The following DSC3 variants were observed in gnomAD, a reference collection of about 807,000 sequenced individuals.
DSC3 encodes desmocollin 3.
A neutral mutation model predicts 89.5 loss-of-function variants in DSC3; 97 were observed. That is an observed-to-expected ratio of 1.08 (90% CI 0.92 to 1.28). The LOEUF is 1.28. Ranked by LOEUF, DSC3 falls within the 50% of genes most tolerant of loss-of-function variation. The pLI is 0.00. For synonymous variants in DSC3, 436 were observed against 384.1 expected (o/e 1.14, Z -1.58); for missense variants, 1,199 against 1,085.3 (o/e 1.10, Z -1.47).
At chr18:30,995,950 C>T (rs890670041) in intron 15 of DSC3, among the ~76,000 whole-genome samples, 3 of 115,920 alleles carry the variant, frequency 2.6e-5, no homozygotes, top group African/African-American at 3.4e-5. Flanking sequence ...CCAGCCTCAG[C>T]GACAGAGCAA....
Position 31,032,603 on chromosome 18 carries a change from C to T in DSC3, c.70-327G>A, listed in dbSNP as rs956908827. On this transcript the variant is annotated intron_variant, in intron 1 of 15. Transcript: ENST00000360428. Reference sequence around the variant, plus strand: ...GTGTGTGTGTGTGCGTGTGCGTGTGCGTGTGCGTGTGTGACTGAGTCTCAC... The same window carrying T: ...GTGTGTGTGTGTGCGTGTGCGTGTGTGTGTGCGTGTGTGACTGAGTCTCAC... Among the ~76,000 whole-genome samples the T allele has an allele frequency of 6.9e-3, 653 of 94,772 alleles. 4 individuals are homozygous for T. Among genetic ancestry groups the T allele is most frequent in the African/African-American group, 0.024 (559 of 23,636 alleles). 62.2% of individuals were successfully genotyped at this position (94,772 alleles called of 152,430 possible).
At chr18:31,002,023 A>T (rs974748535) in intron 13 of DSC3, among the ~76,000 whole-genome samples, 1 of 152,224 alleles carries the variant, frequency 6.6e-6, no homozygotes, top group African/African-American at 2.4e-5. Flanking sequence ...AAAGAAAAAA[A>T]ATCACTGACA....
intron 7 of DSC3, among the ~76,000 whole-genome samples, chr18:31,021,115 T>C (rs1374434260): frequency 6.6e-6 from 1 of 151,914 alleles, no homozygotes; most frequent in Admixed American, 6.6e-5. Flanking sequence ...CAACGCTCCA[T>C]GGTTGTTGCC....
chr18:31,041,205 T>A (rs1408351066), intron 1 of DSC3, among the ~76,000 whole-genome samples: 1 of 152,098 alleles, frequency 6.6e-6, no homozygotes, highest in African/African-American at 2.4e-5. Flanking sequence ...TCGTTCCCCA[T>A]CCTCAATCCC....
At chr18:31,020,363 C>G (rs1470956527) in intron 7 of DSC3, among the ~76,000 whole-genome samples, 2 of 152,102 alleles carry the variant, frequency 1.3e-5, no homozygotes, top group Admixed American at 6.5e-5. Context: ...ATCAGAGAAG[C>G]AGGAGGAAGA....
chr18:31,024,453 T>C lies in DSC3; in HGVS notation c.671A>G (p.Asp224Gly), dbSNP rs368029935. 3.7e-6 allele frequency: 6 copies of C among 1,612,718 alleles called. No individual in the cohort carries two copies. The African/African-American group carries it at 4.0e-5, about 11-fold the overall frequency. Reference protein sequence around the residue: ...YASTADGYSADLPLPLPIRVE... With the variant: ...YASTADGYSAGLPLPLPIRVE... ...CCTGATGGGTAGTGGGAGGGGCAGA[T>C]CTGCTGAATATCCATCTGCAGTTGA... Residue 224 changes from aspartate (D) to glycine (G), a missense_variant, in exon 6 of 16, where the codon GAT becomes GGT. By Grantham distance (94) the Asp-to-Gly change is moderately conservative. Coordinates refer to ENST00000360428, the MANE Select transcript of DSC3 (RefSeq NM_001941.5).
At chr18:31,029,213 C>T (rs1346596859) in intron 4 of DSC3, among the ~76,000 whole-genome samples, 1 of 152,110 alleles carries the variant, frequency 6.6e-6, no homozygotes, top group African/African-American at 2.4e-5. Context: ...AGGGCCATGA[C>T]TAAATTTACT....
chr18:31,027,542 C>T (rs1311163114), intron 4 of DSC3, among the ~76,000 whole-genome samples: 5 of 149,990 alleles, frequency 3.3e-5, no homozygotes, highest in East Asian at 4.0e-4. Flanking sequence ...ACTAGATATT[C>T]GCCAACTTTG....
At chr18:31,025,949 A>T (rs763191369) in intron 4 of DSC3, 34 bp from the exon 5 acceptor site, 1 of 1,586,434 alleles carries the variant, frequency 6.3e-7, no homozygotes, top group Non-Finnish European at 8.6e-7. Flanking sequence ...AAAAAAATTA[A>T]AACTAAATTC....
intron 15 of DSC3, among the ~76,000 whole-genome samples, chr18:30,995,968 C>T (rs1440108401): frequency 2.6e-5 from 1 of 38,766 alleles, no homozygotes; most frequent in African/African-American, 1.3e-4. Flanking sequence ...CAAGACCCTG[C>T]CTTAAAAAAA....
chr18:30,989,738 T>C lies in DSC3; in HGVS notation c.*4437A>G, dbSNP rs1435387599. Among the ~76,000 whole-genome samples, 2 of 152,214 alleles carry C rather than the reference T, an allele frequency of 1.3e-5. No homozygotes were observed. The highest frequency in any genetic ancestry group is 2.9e-5 in the Non-Finnish European group (2 of 68,040). On this transcript the variant is annotated 3_prime_UTR_variant, in exon 16 of 16. Transcript: ENST00000360428. ...CCGTAAACATGTTCTGAATACTATT[T>C]AATTTTTCTGCCCATGAAACCAAGC...
chr18:31,001,768 T>C, intron 13 of DSC3, 29 bp from the exon 14 acceptor site: 1 of 1,535,170 alleles, frequency 6.5e-7, no homozygotes, highest in Non-Finnish European at 8.9e-7. Context: ...ATAAAATAAC[T>C]TACTTTAGCA....
intron 4 of DSC3, among the ~76,000 whole-genome samples, chr18:31,026,502 G>C (rs953289572): frequency 6.6e-6 from 1 of 152,078 alleles, no homozygotes; most frequent in African/African-American, 2.4e-5. Flanking sequence ...AGACCACTGA[G>C]GAAGTCACTG....
At position 31,029,590 on chromosome 18, in the gene DSC3, C is replaced by A. The variant is rs376075769; in HGVS notation, c.393G>T (p.Arg131Ser). The A allele has an allele frequency of 1.2e-6, 2 of 1,613,804 alleles. No homozygotes were observed. The highest frequency in any genetic ancestry group is 1.3e-5 in the African/African-American group (1 of 75,014). The change falls in exon 4 of 16, where the codon AGG (arginine) becomes AGT (serine). Residue 131 changes from arginine (R) to serine (S), a missense_variant. Coordinates refer to ENST00000360428, the MANE Select transcript of DSC3 (RefSeq NM_001941.5). ...TAGGTGCCCATCTCCTCTTGGCACG[C>A]CTGAGAACAGTTTCTCTAGTGTGTC... ...KTRHTRETVL[R>S]RAKRRWAPIP...
At chr18:31,039,691 T>C (rs1422114980) in intron 1 of DSC3, among the ~76,000 whole-genome samples, 1 of 152,132 alleles carries the variant, frequency 6.6e-6, no homozygotes, top group African/African-American at 2.4e-5. Flanking sequence ...TCACCACAGA[T>C]ACCATATATG....
At chr18:31,012,001 A>G (rs377045477) in intron 9 of DSC3, among the ~76,000 whole-genome samples, 1 of 150,728 alleles carries the variant, frequency 6.6e-6, no homozygotes, top group South Asian at 2.1e-4. Flanking sequence ...ACTTAAAGAC[A>G]TGATTTAACC....
Position 31,001,476 on chromosome 18 carries a change from T to C in DSC3, c.2235+142A>G, listed in dbSNP as rs1313579. The C allele has an allele frequency of 0.26, 239,333 of 930,174 alleles. 33,964 individuals are homozygous for C. The highest frequency in any genetic ancestry group is 0.57 in the East Asian group (21,075 of 36,758). The allele number at this position is 930,174 out of a possible 1,614,324, so 57.6% of individuals were successfully genotyped here. A position where few individuals can be genotyped will look rare whatever the true frequency, so the allele number is the denominator to read the frequency against. ...AATAAATTACCACTATATAAACATA[T>C]GAATATTGACAGACAATATCTATGC... On this transcript the variant is annotated intron_variant, in intron 14 of 15. Coordinates refer to ENST00000360428, the MANE Select transcript of DSC3 (RefSeq NM_001941.5).
chr18:31,018,493 A>G (rs1008853028), intron 8 of DSC3, among the ~76,000 whole-genome samples, 173 bp downstream of exon 8: 1 of 152,192 alleles, frequency 6.6e-6, no homozygotes, highest in Non-Finnish European at 1.5e-5. Flanking sequence ...TAGAAACACT[A>G]ATATGAATAA....
At chr18:31,026,036 G>A in intron 4 of DSC3, 121 bp from the exon 5 acceptor site, 1 of 1,019,440 alleles carries the variant, frequency 9.8e-7, no homozygotes. Context: ...AGGTAGAAAA[G>A]AACAATAATA....
Sources: gnomAD v4.1 joint callset for allele counts (sites outside exome capture counted in the v4.1 genomes callset) on GRCh38, gnomAD v4.1.1 for gene constraint, MANE v1.5 for transcripts, NCBI Gene and HGNC (gene_info 2026-07-23, HGNC 2026-07-21) for gene names.